The following SAMD12 variants were observed in gnomAD, a reference collection of about 807,000 sequenced individuals.
The protein encoded by SAMD12 is sterile alpha motif domain-containing protein 12.
SAMD12 carries 9 observed loss-of-function variants against 15.0 expected under a neutral mutation model. That is an observed-to-expected ratio of 0.60 (90% CI 0.36 to 1.05). The LOEUF (loss-of-function observed/expected upper bound fraction) is 1.05. Ranked by LOEUF, SAMD12 falls within the 50% of genes least tolerant of loss-of-function variation. SAMD12 has a pLI of 0.01. For synonymous variants in SAMD12, 86 were observed against 90.1 expected, an observed-to-expected ratio of 0.96 and a Z score of 0.25; for missense variants, 230 against 234.2, an observed-to-expected ratio of 0.98 and a Z score of 0.12.
chr8:118,143,229 A>G, the SAMD12 span, among the ~76,000 whole-genome samples: 3 of 152,218 alleles, frequency 2.0e-5, no homozygotes, highest in African/African-American at 7.2e-5. Flanking sequence ...CTAAGAGTAT[A>G]GATTCTCCTC....
At chr8:118,418,872 C>G (rs1000271233) in intron 3 of SAMD12, among the ~76,000 whole-genome samples, 15 of 152,162 alleles carry the variant, frequency 9.9e-5, no homozygotes, top group Non-Finnish European at 2.1e-4. Context: ...TCCATTGTTT[C>G]TAGTCCATCT....
chr8:118,375,251 G>A (rs977676736), downstream of SAMD12, among the ~76,000 whole-genome samples: 8 of 152,234 alleles, frequency 5.3e-5, no homozygotes, highest in Admixed American at 5.2e-4. Context: ...AAAGCGTAAT[G>A]GGTAAAAGTT....
intron 4 of SAMD12, among the ~76,000 whole-genome samples, chr8:118,271,753 T>C (rs1813360024): frequency 6.6e-6 from 1 of 152,216 alleles, no homozygotes; most frequent in South Asian, 2.1e-4. Flanking sequence ...AGGGCAGTCA[T>C]TAAACCTTAA....
chr8:118,302,120 A>T (rs570733724), intron 4 of SAMD12, among the ~76,000 whole-genome samples: 7 of 128,652 alleles, frequency 5.4e-5, no homozygotes, highest in African/African-American at 2.6e-4. Context: ...GCAGATTAAA[A>T]GAGCAGAGGA....
intron 2 of SAMD12, among the ~76,000 whole-genome samples, chr8:118,444,853 A>G (rs924163506): frequency 6.6e-6 from 1 of 152,204 alleles, no homozygotes; most frequent in South Asian, 2.1e-4. Flanking sequence ...GATTTATAAG[A>G]GAACACTGCA....
chr8:118,594,427 G>T (rs1451191236), intron 1 of SAMD12, among the ~76,000 whole-genome samples: 1 of 152,092 alleles, frequency 6.6e-6, no homozygotes, highest in Non-Finnish European at 1.5e-5. Flanking sequence ...AAAACCTATA[G>T]AAACTCTGTG....
chr8:118,395,395 G>A (rs141551239), intron 3 of SAMD12, among the ~76,000 whole-genome samples: 228 of 152,202 alleles, frequency 1.5e-3, no homozygotes, highest in African/African-American at 5.3e-3. Flanking sequence ...TCTCAGATAC[G>A]TAGAGTGATT....
At chr8:118,384,588 C>T (rs981071802) in intron 3 of SAMD12, among the ~76,000 whole-genome samples, 4 of 152,086 alleles carry the variant, frequency 2.6e-5, no homozygotes, top group African/African-American at 9.7e-5. Context: ...ACCTGAGCCA[C>T]CAATGGCTGG....
chr8:118,187,487 C>T (rs1819261346), downstream of SAMD12, among the ~76,000 whole-genome samples: 1 of 152,130 alleles, frequency 6.6e-6, no homozygotes, highest in African/African-American at 2.4e-5. Context: ...ACAAGATAAC[C>T]AGCACTGCAC....
chr8:118,241,477 T>C (rs898189335), intron 4 of SAMD12, among the ~76,000 whole-genome samples: 3 of 152,174 alleles, frequency 2.0e-5, no homozygotes, highest in Admixed American at 6.5e-5. Flanking sequence ...TCCATACTTA[T>C]CAAAACAAAC....
chr8:118,157,235 G>T, the SAMD12 span, among the ~76,000 whole-genome samples: 1 of 152,150 alleles, frequency 6.6e-6, no homozygotes, highest in Non-Finnish European at 1.5e-5. Flanking sequence ...CATGGCTTTG[G>T]ACCAGAGAGA....
chr8:118,486,210 A>T (rs180973270), intron 2 of SAMD12, among the ~76,000 whole-genome samples: 23 of 151,988 alleles, frequency 1.5e-4, no homozygotes, highest in African/African-American at 3.1e-4. Context: ...GTCAGGAGAT[A>T]GAGACCATCC....
intron 1 of SAMD12, among the ~76,000 whole-genome samples, chr8:118,600,539 C>A (rs1827834379): frequency 6.6e-6 from 1 of 152,146 alleles, no homozygotes; most frequent in South Asian, 2.1e-4. Flanking sequence ...CAGACAAGAT[C>A]ATAATTTCTA....
chr8:118,233,179 C>G (rs1812353424), intron 4 of SAMD12, among the ~76,000 whole-genome samples: 1 of 152,082 alleles, frequency 6.6e-6, no homozygotes, highest in African/African-American at 2.4e-5. Flanking sequence ...CGATAAATCC[C>G]CCAAAGGGTT....
chr8:118,500,992 T>C (rs1218776743), intron 2 of SAMD12, among the ~76,000 whole-genome samples: 1 of 152,190 alleles, frequency 6.6e-6, no homozygotes, highest in Non-Finnish European at 1.5e-5. Flanking sequence ...ATGCCTGGCA[T>C]GGTGGTCTGT....
intron 2 of SAMD12, 136 bp downstream of exon 2, chr8:118,580,579 G>A (rs79842283): frequency 0.054 from 33,245 of 615,540 alleles, 1,186 homozygotes; most frequent in Non-Finnish European, 0.075. Flanking sequence ...TTATTTATCC[G>A]CAAGATACAG....
intron 2 of SAMD12, among the ~76,000 whole-genome samples, chr8:118,489,441 C>T (rs1224331976): frequency 6.6e-6 from 1 of 152,070 alleles, no homozygotes. Flanking sequence ...CCTTTGTAAG[C>T]AACTTTAAAA....
intron 4 of SAMD12, among the ~76,000 whole-genome samples, chr8:118,280,188 G>C (rs1435373242): frequency 6.6e-6 from 1 of 152,176 alleles, no homozygotes; most frequent in African/African-American, 2.4e-5. Flanking sequence ...GCTGACCAAG[G>C]AATTCCAAAA....
Position 118,511,437 on chromosome 8 carries a change from CTTGTTT to C in SAMD12, c.192+69272_192+69277del, listed in dbSNP as rs575233966. Among the ~76,000 whole-genome samples the C allele has an allele frequency of 2.0e-3, 299 of 146,804 alleles. 1 individual carries two copies. The highest frequency in any genetic ancestry group is 7.0e-3 in the African/African-American group (283 of 40,512). ...GGTCAATTGACAAATTTGGAAACCT[CTTGTTT>C]TTGTTTTTGTTTTTTTTTTAAATGT... On this transcript the variant is annotated intron_variant, in intron 2 of 3. Transcript: ENST00000314727.
Sources: gnomAD v4.1 joint callset for allele counts (sites outside exome capture counted in the v4.1 genomes callset) on GRCh38, gnomAD v4.1.1 for gene constraint, MANE v1.5 for transcripts, NCBI Gene and HGNC (gene_info 2026-07-23, HGNC 2026-07-21) for gene names.